Variants in CSMD1 observed in about 807,000 individuals in gnomAD.
CSMD1 encodes the protein CUB and sushi domain-containing protein 1.
CSMD1 carries 213 observed loss-of-function variants against 417.5 expected under a neutral mutation model. The ratio of observed to expected loss-of-function variants is 0.51; its 90% CI spans 0.46 to 0.57. The LOEUF (loss-of-function observed/expected upper bound fraction) is 0.57, where lower values mean the gene tolerates loss of function less well. CSMD1 is among the 20% of genes least tolerant of loss of function. The pLI is 0.00. For missense variants in CSMD1, 6,923 were observed against 4,529.7 expected, an observed-to-expected ratio of 1.53 and a Z score of -15.17; for synonymous variants, 2,862 against 1,736.8, an observed-to-expected ratio of 1.65 and a Z score of -16.11.
intron 1 of CSMD1, among the ~76,000 whole-genome samples, chr8:4,728,046 G>A (rs1809585006): frequency 7.0e-6 from 1 of 142,498 alleles, no homozygotes; most frequent in African/African-American, 2.6e-5. Flanking sequence ...TTGGTTTATT[G>A]TTATATATAG....
intron 11 of CSMD1, among the ~76,000 whole-genome samples, chr8:3,470,647 C>A (rs921259144): frequency 6.6e-6 from 1 of 152,118 alleles, no homozygotes; most frequent in African/African-American, 2.4e-5. Flanking sequence ...CTCTGGTGCT[C>A]TTCCCTTAAA....
At chr8:4,855,432 G>T (rs941474948) in intron 1 of CSMD1, among the ~76,000 whole-genome samples, 1 of 152,298 alleles carries the variant, frequency 6.6e-6, no homozygotes, top group Non-Finnish European at 1.5e-5. Context: ...TTGACGAGCT[G>T]AGAGAAGAAG....
At chr8:3,379,526 C>G (rs1810505773) in intron 18 of CSMD1, among the ~76,000 whole-genome samples, 1 of 152,298 alleles carries the variant, frequency 6.6e-6, no homozygotes, top group Admixed American at 6.5e-5. Context: ...ACAAAAACAG[C>G]AAGGTACTGG....
intron 41 of CSMD1, among the ~76,000 whole-genome samples, chr8:3,134,885 G>T (rs1156369082): frequency 1.3e-5 from 2 of 152,218 alleles, no homozygotes; most frequent in Non-Finnish European, 2.9e-5. Context: ...GAAGCATAGA[G>T]TGTGGCGCAG....
chr8:3,209,712 G>T (rs760004656), intron 30 of CSMD1, among the ~76,000 whole-genome samples: 1 of 152,062 alleles, frequency 6.6e-6, no homozygotes, highest in Non-Finnish European at 1.5e-5. Context: ...TTATTTTAAT[G>T]CAACAACAAA....
intron 1 of CSMD1, among the ~76,000 whole-genome samples, chr8:4,773,991 T>C (rs1354611365): frequency 6.6e-6 from 1 of 151,220 alleles, no homozygotes; most frequent in African/African-American, 2.4e-5. Flanking sequence ...AGGTCAGGAG[T>C]TCAAGACCAG....
At chr8:4,738,160 G>T (rs969536738) in intron 1 of CSMD1, among the ~76,000 whole-genome samples, 1 of 152,050 alleles carries the variant, frequency 6.6e-6, no homozygotes, top group East Asian at 1.9e-4. Context: ...AGAATATCAG[G>T]TTAGTTTATT....
chr8:3,559,551 G>T (rs190475341), intron 10 of CSMD1, among the ~76,000 whole-genome samples: 2 of 152,116 alleles, frequency 1.3e-5, no homozygotes, highest in African/African-American at 2.4e-5. Context: ...TAAAGGAAAA[G>T]AATTGGGTTT....
chr8:4,716,221 G>C (rs921822265), intron 1 of CSMD1, among the ~76,000 whole-genome samples: 32 of 152,286 alleles, frequency 2.1e-4, no homozygotes, highest in African/African-American at 7.7e-4. Flanking sequence ...CTAGAGAACA[G>C]AAGGCTGTCT....
At chr8:3,845,852 C>A (rs953336376) in intron 5 of CSMD1, among the ~76,000 whole-genome samples, 1 of 150,542 alleles carries the variant, frequency 6.6e-6, no homozygotes, top group Non-Finnish European at 1.5e-5. Flanking sequence ...ACTTTCTATA[C>A]TTCTTTTGTT....
In CSMD1 at chr8:3,762,787, C is replaced by A. The variant is rs1412879976; in HGVS notation, c.819-8745G>T. ...GAGAGAGAAAGAGTTAAGCTGCTGACCCTGAAGGCAAGGGAGAGCCACCCA... is the reference window on the plus strand; with the variant it reads ...GAGAGAGAAAGAGTTAAGCTGCTGAACCTGAAGGCAAGGGAGAGCCACCCA... On this transcript the variant is annotated intron_variant, in intron 5 of 69. Coordinates refer to ENST00000635120, the MANE Select transcript of CSMD1 (RefSeq NM_033225.6). Among the ~76,000 whole-genome samples the A allele has an allele frequency of 2.0e-5, 3 of 152,192 alleles. No individual in the cohort carries two copies. In the East Asian group the frequency reaches 5.8e-4, roughly 29 times the overall value.
chr8:3,434,421 A>G (rs189529785), intron 12 of CSMD1, among the ~76,000 whole-genome samples: 17 of 152,314 alleles, frequency 1.1e-4, no homozygotes, highest in African/African-American at 3.6e-4. Flanking sequence ...AGTTAATTCA[A>G]TATTTGCTTA....
chr8:4,785,905 C>A (rs1797377820), intron 1 of CSMD1, among the ~76,000 whole-genome samples: 1 of 152,074 alleles, frequency 6.6e-6, no homozygotes, highest in Non-Finnish European at 1.5e-5. Flanking sequence ...ACAGTGACAG[C>A]ACCAAAGACT....
chr8:3,058,479 A>T (rs1812381350), intron 49 of CSMD1, among the ~76,000 whole-genome samples: 1 of 152,192 alleles, frequency 6.6e-6, no homozygotes, highest in Admixed American at 6.5e-5. Context: ...AATAAACATG[A>T]TCCTTTTTGG....
At chr8:4,654,499 C>T (rs1804104985) in intron 1 of CSMD1, among the ~76,000 whole-genome samples, 1 of 151,994 alleles carries the variant, frequency 6.6e-6, no homozygotes, top group South Asian at 2.1e-4. Flanking sequence ...AACGAAGTAC[C>T]AGGCAATGCA....
At chr8:3,781,041 T>A (rs910283585) in intron 5 of CSMD1, among the ~76,000 whole-genome samples, 1 of 152,208 alleles carries the variant, frequency 6.6e-6, no homozygotes, top group Non-Finnish European at 1.5e-5. Flanking sequence ...AACTGAAATC[T>A]AAGCAAAGTA....
In CSMD1 at chr8:4,390,373, G is replaced by A. The variant is rs1012439291; in HGVS notation, c.415+29580C>T. On this transcript the variant is annotated intron_variant, in intron 3 of 69. Coordinates refer to ENST00000635120, the MANE Select transcript of CSMD1 (RefSeq NM_033225.6). ...ATAATACCACATTCCAAGCCTGGGAGATCTAAAATGTTGTCAATGTAACAG... is the reference window on the plus strand; with the variant it reads ...ATAATACCACATTCCAAGCCTGGGAAATCTAAAATGTTGTCAATGTAACAG... 2.0e-5 allele frequency among the ~76,000 whole-genome samples: 3 copies of A among 152,066 alleles called. 1 individual carries two copies. The South Asian group carries it at 6.2e-4, about 31-fold the overall frequency.
At chr8:3,765,269 T>C (rs576815139) in intron 5 of CSMD1, among the ~76,000 whole-genome samples, 29 of 152,284 alleles carry the variant, frequency 1.9e-4, no homozygotes, top group African/African-American at 6.7e-4. Flanking sequence ...GTGCAGTCAA[T>C]CTATGCTAGC....
intron 1 of CSMD1, among the ~76,000 whole-genome samples, chr8:4,752,244 TA>T (rs1184913920): frequency 6.6e-6 from 1 of 152,200 alleles, no homozygotes. Flanking sequence ...TCTCAGTGTA[TA>T]ACTGTGTACT....
Sources: allele counts gnomAD v4.1 joint callset (sites outside exome capture counted in the v4.1 genomes callset), GRCh38; gene constraint gnomAD v4.1.1; transcripts MANE v1.5; gene names NCBI Gene and HGNC (gene_info 2026-07-23, HGNC 2026-07-21).